AP3D1: variants seen among roughly 807,000 people sequenced by gnomAD.
The protein encoded by AP3D1 is adaptor related protein complex 3 subunit delta 1, also known as AP-3 complex subunit delta-1.
AP3D1 carries 51 observed loss-of-function variants against 147.6 expected under a neutral mutation model. The observed-to-expected ratio is 0.35, with a 90% confidence interval of 0.28 to 0.44. The LOEUF is 0.44. Ranked by LOEUF, AP3D1 falls within the 20% of genes least tolerant of loss-of-function variation. The pLI, the probability that AP3D1 is intolerant of heterozygous loss-of-function variation, is 1.00. For synonymous variants in AP3D1, 760 were observed against 663.0 expected (o/e 1.15, Z -2.25); for missense variants, 1,421 against 1,624.2 (o/e 0.87, Z 2.15).
Position 2,137,746 on chromosome 19 carries a change from G to C in AP3D1, c.254C>G (p.Ala85Gly). Residue 85 changes from alanine to glycine, a missense_variant, in exon 3 of 32, where the codon GCC becomes GGC. By Grantham distance (60) the Ala-to-Gly change is moderately conservative. Around this residue, in one of 6 missense-constraint regions of AP3D1, gnomAD observed 292 missense variants for 412.0 expected, o/e 0.71. Transcript: ENST00000643116. Reference protein sequence around the residue: ...AAFNIIEVMSASKFTFKRIGY... With the variant: ...AAFNIIEVMSGSKFTFKRIGY... ...CCTCACCTTGAAGGTGAACTTGGAG[G>C]CACTCATCACTTCTATGATGTTGAA... is the stretch of plus-strand genomic sequence containing the variant. 1 of 1,613,948 alleles carries C rather than the reference G, an allele frequency of 6.2e-7. No homozygotes were observed. The highest frequency in any genetic ancestry group is 8.5e-7 in the Non-Finnish European group (1 of 1,179,916).
At chr19:2,156,643 G>A (rs145968810) in intron 1 of AP3D1, among the ~76,000 whole-genome samples, 2 of 152,026 alleles carry the variant, frequency 1.3e-5, no homozygotes, top group East Asian at 1.9e-4. Context: ...GGGGTCAGGA[G>A]ATCGAGACCA....
chr19:2,113,039 T>G, intron 23 of AP3D1, 72 bp from the exon 24 acceptor site: 1 of 1,108,706 alleles, frequency 9.0e-7, no homozygotes, highest in Non-Finnish European at 1.3e-6. Context: ...CCAGACAGCC[T>G]CCATGCCACA....
At chr19:2,109,294 G>T in intron 29 of AP3D1, 87 bp from the exon 30 acceptor site, 1 of 1,475,698 alleles carries the variant, frequency 6.8e-7, no homozygotes, top group Non-Finnish European at 9.0e-7. Flanking sequence ...TGCCACACAC[G>T]CTGCGCTTGG....
chr19:2,153,689 AAGG>A (rs2019622583), upstream of AP3D1, among the ~76,000 whole-genome samples: 1 of 151,942 alleles, frequency 6.6e-6, no homozygotes. Context: ...AAAAAAAAAA[AAGG>A]AGGGGAACTG....
chr19:2,110,228 G>C lies in AP3D1; in HGVS notation c.3176-4C>G. ...TACTGGGCTTCGTTGGAGACGCCTG[G>C]CGGGGGCGAGAGGGAGTGGGGCCTG... On this transcript the variant is annotated splice_polypyrimidine_tract_variant and splice_region_variant and intron_variant, in intron 27 of 31. Transcript: ENST00000643116. The C allele has an allele frequency of 6.8e-6, 11 of 1,611,234 alleles. No individual in the cohort carries two copies. The highest frequency in any genetic ancestry group is 9.3e-6 in the Non-Finnish European group (11 of 1,179,882).
intron 1 of AP3D1, among the ~76,000 whole-genome samples, chr19:2,162,611 G>C (rs1249482986): frequency 1.3e-5 from 2 of 151,416 alleles, no homozygotes; most frequent in African/African-American, 4.9e-5. Context: ...GCAGTGACCC[G>C]AGATCGTGCC....
At chr19:2,107,259 CA>C (rs112132801) in intron 31 of AP3D1, among the ~76,000 whole-genome samples, 57 of 121,116 alleles carry the variant, frequency 4.7e-4, no homozygotes, top group Admixed American at 9.6e-4. Flanking sequence ...GACTCCATCT[CA>C]AAAAAAAAAA....
intron 17 of AP3D1, 30 bp from the exon 18 acceptor site, chr19:2,116,308 G>C: frequency 1.2e-6 from 2 of 1,607,982 alleles, no homozygotes; most frequent in Non-Finnish European, 8.5e-7. Flanking sequence ...ATGAGCCCGA[G>C]AGAAGCGGGC....
intron 27 of AP3D1, 117 bp from the exon 28 acceptor site, chr19:2,110,341 G>T: frequency 1.2e-6 from 1 of 867,762 alleles, no homozygotes; most frequent in Non-Finnish European, 1.9e-6. Context: ...ACTGAGCTCA[G>T]CCCCCAAGGG....
Position 2,114,107 on chromosome 19 carries a change from C to T in AP3D1, c.2601+18G>A. The T allele has an allele frequency of 3.2e-6, 5 of 1,551,700 alleles. No individual in the cohort carries two copies. Among genetic ancestry groups the T allele is most frequent in the Non-Finnish European group, 2.6e-6 (3 of 1,148,056 alleles). ...GGAGGGGAATGGAGAAGGCCGCCGC[C>T]CTGGGCACTAGCCTTACCTTCTTCT... On this transcript the variant is annotated intron_variant, in intron 22 of 31. Transcript: ENST00000643116.
intron 31 of AP3D1, among the ~76,000 whole-genome samples, chr19:2,107,823 A>G (rs2018155308): frequency 6.6e-6 from 1 of 152,114 alleles, no homozygotes; most frequent in African/African-American, 2.4e-5. Flanking sequence ...TGACCATCAG[A>G]ACGGAAAGTG....
chr19:2,126,946 G>A (rs1407136295), intron 9 of AP3D1, among the ~76,000 whole-genome samples: 1 of 152,176 alleles, frequency 6.6e-6, no homozygotes, highest in Non-Finnish European at 1.5e-5. Context: ...AATGGCGGTG[G>A]AAGACCAGGC....
intron 24 of AP3D1, 43 bp downstream of exon 24, chr19:2,112,817 C>T (rs199992206): frequency 2.6e-6 from 4 of 1,512,250 alleles, no homozygotes; most frequent in Non-Finnish European, 2.7e-6. Context: ...GGTGCTGGGG[C>T]TCATGCAGCC....
rs1292480646 is a variant in AP3D1 at position 2,115,411 on chromosome 19, A to G, written c.2157T>C (p.Pro719=). 3 of 1,607,046 alleles carry G rather than the reference A, an allele frequency of 1.9e-6. No individual in the cohort carries two copies. Among genetic ancestry groups the G allele is most frequent in the Non-Finnish European group, 2.5e-6 (3 of 1,179,766 alleles). ...LSVPLKVPGL[P]MSDQYVKLEE... Reference sequence around the variant, plus strand: ...CCAGCTTCACATACTGATCTGACATAGGCAGCCCTGCGGGCCGGCAGCGGG... The same window carrying G: ...CCAGCTTCACATACTGATCTGACATGGGCAGCCCTGCGGGCCGGCAGCGGG... The change falls in exon 20 of 32, where the codon CCT becomes CCC. Residue 719 remains proline (P), a synonymous_variant. Transcript: ENST00000643116.
intron 1 of AP3D1, 78 bp downstream of exon 1, chr19:2,151,161 G>A: frequency 2.2e-6 from 3 of 1,343,028 alleles, no homozygotes; most frequent in Admixed American, 2.2e-5. Flanking sequence ...GGCAGGCCGA[G>A]CAGGCCCAGT....
chr19:2,143,771 A>T (rs1352496531), intron 1 of AP3D1, among the ~76,000 whole-genome samples: 1 of 151,916 alleles, frequency 6.6e-6, no homozygotes, highest in Non-Finnish European at 1.5e-5. Context: ...CCTCAAAAAA[A>T]AAATAAAAAA....
chr19:2,145,941 AC>A (rs565390251), intron 1 of AP3D1, among the ~76,000 whole-genome samples: 1 of 152,194 alleles, frequency 6.6e-6, no homozygotes, highest in Admixed American at 6.5e-5. Flanking sequence ...CTACAGCTGC[AC>A]CCCCCAAACA....
At position 2,116,607 on chromosome 19, in the gene AP3D1, G is replaced by A. The variant is rs2018456795; in HGVS notation, c.1999C>T (p.Arg667Trp). ...PSEADEEELARRREARKQEQA... is the reference protein window; with the variant it reads ...PSEADEEELAWRREARKQEQA... Reference sequence around the variant, plus strand: ...GCCAGGGGCAGCCAGCAGCTCACCCGAGCCAGCTCTTCCTCGTCCGCCTCC... The same window carrying A: ...GCCAGGGGCAGCCAGCAGCTCACCCAAGCCAGCTCTTCCTCGTCCGCCTCC... Residue 667 changes from arginine (R) to tryptophan (W), a missense_variant and splice_region_variant, in exon 17 of 32, where the codon CGG becomes TGG. Around this residue, in one of 6 missense-constraint regions of AP3D1, gnomAD observed 791 missense variants for 761.4 expected, o/e 1.04. Coordinates refer to ENST00000643116, the MANE Select transcript of AP3D1 (RefSeq NM_001261826.3). 1.3e-6 allele frequency: 2 copies of A among 1,590,892 alleles called. No individual in the cohort carries two copies. The highest frequency in any genetic ancestry group is 1.3e-5 in the African/African-American group (1 of 74,530).
At chr19:2,150,274 C>G (rs969128848) in intron 1 of AP3D1, among the ~76,000 whole-genome samples, 2 of 152,172 alleles carry the variant, frequency 1.3e-5, no homozygotes, top group African/African-American at 2.4e-5. Context: ...GCTGTCCACG[C>G]AGGGAAGCAG....
Sources: gnomAD v4.1 joint callset for allele counts (sites outside exome capture counted in the v4.1 genomes callset) on GRCh38, gnomAD v4.1.1 for gene constraint, gnomAD v4.1.1 regional missense constraint, MANE v1.5 for transcripts, NCBI Gene and HGNC (gene_info 2026-07-23, HGNC 2026-07-21) for gene names.